Variants in DENND1B observed in about 807,000 individuals in gnomAD.
DENND1B encodes DENN domain-containing protein 1B.
In DENND1B, 59 loss-of-function variants were observed where a neutral mutation model predicts 90.1. That is an observed-to-expected ratio of 0.65 (90% CI 0.53 to 0.81). DENND1B has a LOEUF of 0.81. Among genes scored for constraint, DENND1B ranks in the 40% least tolerant of loss-of-function variants. The pLI is 0.00. For missense variants in DENND1B, 862 were observed against 912.6 expected, an observed-to-expected ratio of 0.94 and a Z score of 0.71; for synonymous variants, 337 against 324.6, an observed-to-expected ratio of 1.04 and a Z score of -0.41.
At chr1:197,625,755 G>C (rs1166915594) in intron 10 of DENND1B, among the ~76,000 whole-genome samples, 1 of 152,054 alleles carries the variant, frequency 6.6e-6, no homozygotes, top group Non-Finnish European at 1.5e-5. Flanking sequence ...TCAGTGTGCT[G>C]TATTCAGGAA....
intron 5 of DENND1B, among the ~76,000 whole-genome samples, chr1:197,664,527 G>A (rs543621609): frequency 5.0e-4 from 76 of 152,144 alleles, no homozygotes; most frequent in African/African-American, 1.6e-3. Flanking sequence ...TTTTGTGGTA[G>A]TAAGAAGACT....
chr1:197,504,832 TA>T lies in DENND1B; in HGVS notation c.*5627del, dbSNP rs1667655844. 1 of 151,838 alleles carries T rather than the reference TA, an allele frequency of 6.6e-6. No homozygotes were observed. The highest frequency in any genetic ancestry group is 1.5e-5 in the Non-Finnish European group (1 of 67,866). The allele number at this position is 151,838 out of a possible 1,614,324, so 9.4% of individuals were successfully genotyped here. ...ATTTTATTCAATATTTATTTTTGCA[TA>T]TTTTTAAAAAAATTCCCAAAGCGAT... is the stretch of plus-strand genomic sequence containing the variant. On this transcript the variant is annotated 3_prime_UTR_variant, in exon 23 of 23. Transcript: ENST00000620048.
rs1667681982 is a variant in DENND1B at position 197,505,376 on chromosome 1, C to A, written c.*5084G>T. Reference sequence around the variant, plus strand: ...TTTGATAATGGACCTCAACAAGGCTCACATTTGAGAAATGAAATAACAGAG... The same window carrying A: ...TTTGATAATGGACCTCAACAAGGCTAACATTTGAGAAATGAAATAACAGAG... On this transcript the variant is annotated 3_prime_UTR_variant, in exon 23 of 23. Transcript: ENST00000620048. The A allele has an allele frequency of 6.6e-6, 1 of 150,806 alleles. No individual in the cohort carries two copies. 9.3% of individuals were successfully genotyped at this position (150,806 alleles called of 1,614,324 possible). A position where few individuals can be genotyped will look rare whatever the true frequency, so the allele number is the denominator to read the frequency against.
At chr1:197,572,777 G>T (rs536446303) in intron 15 of DENND1B, among the ~76,000 whole-genome samples, 1 of 152,152 alleles carries the variant, frequency 6.6e-6, no homozygotes, top group African/African-American at 2.4e-5. Flanking sequence ...AGGCAAACAG[G>T]CTCTGGAGTA....
chr1:197,619,529 C>T (rs749838033), intron 10 of DENND1B, among the ~76,000 whole-genome samples: 10 of 150,976 alleles, frequency 6.6e-5, no homozygotes, highest in Non-Finnish European at 1.0e-4. Context: ...TTAAAAACAA[C>T]AAAAAAGAGA....
intron 11 of DENND1B, among the ~76,000 whole-genome samples, chr1:197,613,827 C>T (rs780104048): frequency 5.3e-5 from 8 of 150,930 alleles, no homozygotes; most frequent in Non-Finnish European, 1.0e-4. Context: ...TTATTCTATT[C>T]ACAAGATTTA....
At chr1:197,672,403 G>A (rs1655606093) in intron 4 of DENND1B, among the ~76,000 whole-genome samples, 2 of 151,860 alleles carry the variant, frequency 1.3e-5, no homozygotes, top group African/African-American at 4.8e-5. Flanking sequence ...GAAATCATAA[G>A]GTAGTCTACC....
At chr1:197,578,231 G>C (rs1376959608) in intron 15 of DENND1B, among the ~76,000 whole-genome samples, 2 of 147,826 alleles carry the variant, frequency 1.4e-5, no homozygotes, top group Non-Finnish European at 3.0e-5. Flanking sequence ...TAGGGTTTTT[G>C]TTTTTGTTGT....
chr1:197,531,386 C>CTTTTTTTTTTTTTTTTT (rs1448393506), intron 20 of DENND1B, among the ~76,000 whole-genome samples: 2 of 3,444 alleles, frequency 5.8e-4, no homozygotes, highest in African/African-American at 6.1e-4. Context: ...CATAACAAAT[C>CTTTTTTTTTTTTTTTTT]TTTTTTTTTT....
At chr1:197,651,305 A>G (rs551574384) in intron 7 of DENND1B, among the ~76,000 whole-genome samples, 1 of 152,122 alleles carries the variant, frequency 6.6e-6, no homozygotes, top group Non-Finnish European at 1.5e-5. Flanking sequence ...TTTGAACTTT[A>G]AGCATTTACA....
intron 2 of DENND1B, among the ~76,000 whole-genome samples, chr1:197,724,453 T>G (rs1166820656): frequency 1.3e-5 from 2 of 152,112 alleles, no homozygotes; most frequent in Non-Finnish European, 2.9e-5. Flanking sequence ...TATCTTTGTA[T>G]CTACAAAGCC....
intron 10 of DENND1B, among the ~76,000 whole-genome samples, chr1:197,622,325 A>C (rs1461135325): frequency 6.6e-6 from 1 of 151,418 alleles, no homozygotes; most frequent in African/African-American, 2.4e-5. Context: ...CAAGGCACTA[A>C]GACAAAGTTC....
At chr1:197,694,779 T>C (rs113403381) in intron 3 of DENND1B, among the ~76,000 whole-genome samples, 2 of 151,426 alleles carry the variant, frequency 1.3e-5, no homozygotes, top group African/African-American at 2.4e-5. Flanking sequence ...ATCATTTATA[T>C]AGTTAGAATG....
At chr1:197,683,412 G>A (rs184024755) in intron 3 of DENND1B, among the ~76,000 whole-genome samples, 5 of 152,160 alleles carry the variant, frequency 3.3e-5, no homozygotes. Flanking sequence ...CTAAATGCTG[G>A]GGGATCAGAT....
In DENND1B at chr1:197,638,119, T is replaced by C. The variant is rs542693206; in HGVS notation, c.672+4592A>G. 3.1e-3 allele frequency among the ~76,000 whole-genome samples: 470 copies of C among 152,320 alleles called. 1 individual carries two copies. Among genetic ancestry groups the C allele is most frequent in the South Asian group, 7.7e-3 (37 of 4,826 alleles). On this transcript the variant is annotated intron_variant, in intron 10 of 22. Transcript: ENST00000620048. ...AGATCGAAAGATTTCTTTTTACATATGCCCTTGATGGAATTAATGAGAGGA... is the reference window on the plus strand; with the variant it reads ...AGATCGAAAGATTTCTTTTTACATACGCCCTTGATGGAATTAATGAGAGGA...
At chr1:197,713,993 CTT>C (rs1372499037) in intron 3 of DENND1B, among the ~76,000 whole-genome samples, 5 of 10,654 alleles carry the variant, frequency 4.7e-4, no homozygotes, top group African/African-American at 5.1e-4. Flanking sequence ...AATTATATAT[CTT>C]TTTTTTTTTT....
intron 2 of DENND1B, among the ~76,000 whole-genome samples, chr1:197,769,693 T>C (rs1656159404): frequency 6.6e-6 from 1 of 151,660 alleles, no homozygotes; most frequent in Non-Finnish European, 1.5e-5. Context: ...CATCCTAATT[T>C]ATACATTTTG....
rs79295931 is a variant in DENND1B at position 197,577,370 on chromosome 1, T to C, written c.1149+5782A>G. Among the ~76,000 whole-genome samples, 859 of 152,280 alleles carry C rather than the reference T, an allele frequency of 5.6e-3. 8 individuals carry two copies. The highest frequency in any genetic ancestry group is 0.019 in the African/African-American group (799 of 41,556). On this transcript the variant is annotated intron_variant, in intron 15 of 22. Coordinates refer to ENST00000620048, the MANE Select transcript of DENND1B (RefSeq NM_001195215.2). ...TCCTAAAATGTGCTTATCAGTGAGC[T>C]CATACAGCCACCCCCCATACTCTTT...
chr1:197,739,904 C>A (rs1158875835), intron 2 of DENND1B, among the ~76,000 whole-genome samples: 1 of 152,156 alleles, frequency 6.6e-6, no homozygotes, highest in Non-Finnish European at 1.5e-5. Context: ...AGAAATCAGA[C>A]CTTTACCTCT....
Sources: allele counts gnomAD v4.1 joint callset (sites outside exome capture counted in the v4.1 genomes callset), GRCh38; gene constraint gnomAD v4.1.1; transcripts MANE v1.5; gene names NCBI Gene and HGNC (gene_info 2026-07-23, HGNC 2026-07-21).